AGBL1: variants seen among roughly 807,000 people sequenced by gnomAD.
The protein encoded by AGBL1 is AGBL carboxypeptidase 1, also known as cytosolic carboxypeptidase 4.
In AGBL1, 130 loss-of-function variants were observed where a neutral mutation model predicts 118.9. The observed-to-expected ratio is 1.09, with a 90% CI of 0.95 to 1.26. AGBL1 has a LOEUF of 1.26. Ranked by LOEUF, AGBL1 falls within the 50% of genes most tolerant of loss-of-function variation. The pLI is 0.00. For missense variants in AGBL1, 1,584 were observed against 1,298.1 expected (o/e 1.22, Z -3.38); for synonymous variants, 555 against 478.9 (o/e 1.16, Z -2.08).
chr15:87,011,735 A>C (rs554274801), intron 24 of AGBL1, among the ~76,000 whole-genome samples: 1 of 152,164 alleles, frequency 6.6e-6, no homozygotes, highest in Non-Finnish European at 1.5e-5. Context: ...GCAAGAGTGT[A>C]TTTTCTGAGA....
At chr15:86,895,609 T>C (rs2080114476) in intron 22 of AGBL1, among the ~76,000 whole-genome samples, 1 of 151,860 alleles carries the variant, frequency 6.6e-6, no homozygotes, top group African/African-American at 2.4e-5. Context: ...ATAATTAATT[T>C]CTTTTTTCTG....
At chr15:86,965,366 A>G (rs1364547071) in intron 23 of AGBL1, among the ~76,000 whole-genome samples, 1 of 151,778 alleles carries the variant, frequency 6.6e-6, no homozygotes, top group Non-Finnish European at 1.5e-5. Flanking sequence ...TTTGGTTTGC[A>G]TTTCTCCAAA....
At chr15:86,659,135 G>A (rs1359242070) in intron 21 of AGBL1, among the ~76,000 whole-genome samples, 1 of 152,128 alleles carries the variant, frequency 6.6e-6, no homozygotes, top group Non-Finnish European at 1.5e-5. Context: ...TTGAAGGCCT[G>A]AAGATTTCTA....
At chr15:86,763,845 T>A (rs1340355347) in intron 22 of AGBL1, among the ~76,000 whole-genome samples, 2 of 152,062 alleles carry the variant, frequency 1.3e-5, no homozygotes, top group Non-Finnish European at 2.9e-5. Context: ...CTATCTTTGG[T>A]GTTCCTTCTT....
chr15:86,379,772 C>T (rs1019400764), intron 17 of AGBL1, among the ~76,000 whole-genome samples: 1 of 152,144 alleles, frequency 6.6e-6, no homozygotes, highest in Non-Finnish European at 1.5e-5. Context: ...ACATAGTGAT[C>T]TCAACACAGC....
chr15:86,998,582 T>A (rs533659777), intron 24 of AGBL1, among the ~76,000 whole-genome samples: 59 of 152,288 alleles, frequency 3.9e-4, no homozygotes, highest in African/African-American at 1.2e-3. Flanking sequence ...AAAATAATAA[T>A]CACACCTTAT....
intron 5 of AGBL1, among the ~76,000 whole-genome samples, chr15:86,219,103 C>T (rs1038582506): frequency 7.2e-5 from 11 of 152,162 alleles, no homozygotes; most frequent in Non-Finnish European, 2.9e-5. Context: ...TAGTTTGGTC[C>T]TATGTTTCCT....
At chr15:86,647,642 A>G (rs1053274334) in intron 21 of AGBL1, among the ~76,000 whole-genome samples, 18 of 152,214 alleles carry the variant, frequency 1.2e-4, no homozygotes, top group Admixed American at 8.5e-4. Context: ...CGGAGGTTGC[A>G]GTGAGCCGAA....
chr15:86,507,451 C>T (rs1056929399), intron 18 of AGBL1, among the ~76,000 whole-genome samples: 3 of 152,070 alleles, frequency 2.0e-5, no homozygotes, highest in South Asian at 2.1e-4. Context: ...GCTGAGGATA[C>T]AGTAGTTGAA....
chr15:86,978,353 C>T (rs952859224), intron 23 of AGBL1, among the ~76,000 whole-genome samples: 9 of 152,184 alleles, frequency 5.9e-5, no homozygotes, highest in African/African-American at 1.4e-4. Context: ...AGTTAGGGCA[C>T]ATATATTAGT....
At chr15:86,355,164 A>G (rs1344880584) in intron 17 of AGBL1, among the ~76,000 whole-genome samples, 1 of 152,224 alleles carries the variant, frequency 6.6e-6, no homozygotes, top group Non-Finnish European at 1.5e-5. Flanking sequence ...ATACATGGGT[A>G]TTGTCTGAAG....
At chr15:86,846,352 T>C (rs2079317940) in intron 22 of AGBL1, among the ~76,000 whole-genome samples, 1 of 152,190 alleles carries the variant, frequency 6.6e-6, no homozygotes, top group Admixed American at 6.5e-5. Context: ...ACTGCTATTG[T>C]TTCTGATAAG....
intron 22 of AGBL1, among the ~76,000 whole-genome samples, chr15:86,866,723 A>G (rs150555647): frequency 0.018 from 2,709 of 152,286 alleles, 48 homozygotes; most frequent in South Asian, 0.041. Context: ...GCATGGTGGT[A>G]CATGCCTGTA....
chr15:86,212,932 G>C (rs1256046895), intron 5 of AGBL1, among the ~76,000 whole-genome samples: 1 of 152,176 alleles, frequency 6.6e-6, no homozygotes, highest in Non-Finnish European at 1.5e-5. Context: ...TTACAGGCAT[G>C]GGCCACTGTA....
intron 22 of AGBL1, among the ~76,000 whole-genome samples, chr15:86,882,972 A>G (rs777906470): frequency 4.6e-5 from 7 of 152,170 alleles, no homozygotes; most frequent in Non-Finnish European, 1.0e-4. Context: ...GATTCTTGCC[A>G]GAGATGTGAA....
At chr15:86,167,526 G>A (rs1342116208) in intron 5 of AGBL1, among the ~76,000 whole-genome samples, 7 of 152,216 alleles carry the variant, frequency 4.6e-5, no homozygotes, top group African/African-American at 1.4e-4. Flanking sequence ...GATTATAGGC[G>A]TGAACCGCCA....
intron 17 of AGBL1, among the ~76,000 whole-genome samples, chr15:86,302,134 T>C (rs1481611415): frequency 6.6e-6 from 1 of 152,090 alleles, no homozygotes; most frequent in African/African-American, 2.4e-5. Flanking sequence ...GTCACTTTAA[T>C]AATAAGAAGT....
At chr15:86,981,946 A>C (rs1262552082) in intron 23 of AGBL1, among the ~76,000 whole-genome samples, 3 of 152,150 alleles carry the variant, frequency 2.0e-5, no homozygotes, top group Non-Finnish European at 4.4e-5. Context: ...AATTTTCTTT[A>C]TTTGTTTTGC....
intron 22 of AGBL1, among the ~76,000 whole-genome samples, chr15:86,712,877 C>T (rs1365896736): frequency 2.0e-5 from 3 of 152,216 alleles, no homozygotes; most frequent in Admixed American, 2.0e-4. Context: ...TAAGCACCCT[C>T]TGGGATGGGG....
Sources: allele counts gnomAD v4.1 joint callset (sites outside exome capture counted in the v4.1 genomes callset), GRCh38; gene constraint gnomAD v4.1.1; transcripts MANE v1.5; gene names NCBI Gene and HGNC (gene_info 2026-07-23, HGNC 2026-07-21).